Variants in POM121 observed in about 807,000 individuals in gnomAD.
POM121 encodes nuclear envelope pore membrane protein POM 121.
In POM121, 32 loss-of-function variants were observed where a neutral mutation model predicts 81.3. The observed-to-expected ratio is 0.39, with a 90% confidence interval of 0.30 to 0.53. The LOEUF is 0.53. Ranked by LOEUF, POM121 falls within the 20% of genes least tolerant of loss-of-function variation. The pLI is 0.66. For missense variants in POM121, 1,138 were observed against 1,614.6 expected (o/e 0.70, Z 5.06); for synonymous variants, 514 against 694.2 (o/e 0.74, Z 4.08).
intron 3 of POM121, among the ~76,000 whole-genome samples, chr7:72,907,911 G>T (rs552128500): frequency 1.2e-3 from 187 of 152,148 alleles, no homozygotes; most frequent in Middle Eastern, 0.01. Flanking sequence ...TTCTTTTTTT[G>T]TGTGTGTGTT....
chr7:72,936,861 T>C (rs1382323301), intron 5 of POM121, among the ~76,000 whole-genome samples: 5 of 152,156 alleles, frequency 3.3e-5, no homozygotes, highest in African/African-American at 4.8e-5. Context: ...TTGCCCAGGC[T>C]GGTCCGAAAC....
chr7:72,929,930 C>G lies in POM121; in HGVS notation c.1104-10C>G, dbSNP rs1554498232. On this transcript the variant is annotated splice_polypyrimidine_tract_variant and intron_variant, in intron 4 of 12. Coordinates refer to ENST00000434423, the MANE Select transcript of POM121 (RefSeq NM_001387691.1). Reference sequence around the variant, plus strand: ...TCAATAAAGCATCTAACTGTCTTCTCTTTTATTAGGCCTGGGTCTCTGAAG... The same window carrying G: ...TCAATAAAGCATCTAACTGTCTTCTGTTTTATTAGGCCTGGGTCTCTGAAG... 1 of 1,578,224 alleles carries G rather than the reference C, an allele frequency of 6.3e-7. No homozygotes were observed. Among genetic ancestry groups the G allele is most frequent in the South Asian group, 1.1e-5 (1 of 88,010 alleles).
chr7:72,925,522 T>C lies in POM121; in HGVS notation c.401T>C (p.Leu134Pro), dbSNP rs1554497059. 1 of 1,533,216 alleles carries C rather than the reference T, an allele frequency of 6.5e-7. No homozygotes were observed. Among genetic ancestry groups the C allele is most frequent in the South Asian group, 1.2e-5 (1 of 83,970 alleles). 95.0% of individuals were successfully genotyped at this position (1,533,216 alleles called of 1,614,324 possible). The change falls in exon 1 of 13, where the codon CTG becomes CCG. Residue 134 changes from leucine (L) to proline (P), a missense_variant. Around this residue, in one of 7 missense-constraint regions of POM121, gnomAD observed 646 missense variants for 633.5 expected, o/e 1.02. Coordinates refer to ENST00000434423, the MANE Select transcript of POM121 (RefSeq NM_001387691.1). ...TLLEGPDPAELLLMGSYLGKP... is the reference protein window; with the variant it reads ...TLLEGPDPAEPLLMGSYLGKP... ...CTCGAAGGACCTGACCCTGCGGAACTGCTACTCATGGGCAGTTACCTGGGC... is the reference window on the plus strand; with the variant it reads ...CTCGAAGGACCTGACCCTGCGGAACCGCTACTCATGGGCAGTTACCTGGGC...
chr7:72,924,602 C>G (rs1422028569), upstream of POM121: 1 of 153,110 alleles, frequency 6.5e-6, no homozygotes, highest in Admixed American at 6.5e-5. Flanking sequence ...AACCACTAAT[C>G]TACCTTCTCA....
intron 3 of POM121, among the ~76,000 whole-genome samples, chr7:72,897,452 G>T (rs1480514136): frequency 6.6e-6 from 1 of 152,214 alleles, no homozygotes; most frequent in Non-Finnish European, 1.5e-5. Flanking sequence ...CCAAGAGGGA[G>T]CAGGGAGTCA....
intron 3 of POM121, among the ~76,000 whole-genome samples, chr7:72,892,434 A>G (rs1554491039): frequency 2.0e-5 from 3 of 151,860 alleles, no homozygotes; most frequent in African/African-American, 4.8e-5. Flanking sequence ...TCTTCTCTCC[A>G]TGGTTTGTGT....
chr7:72,921,899 TCA>T (rs1269736903), upstream of POM121, among the ~76,000 whole-genome samples: 1 of 152,226 alleles, frequency 6.6e-6, no homozygotes, highest in South Asian at 2.1e-4. Context: ...AAATAATGCT[TCA>T]GTGACTATCT....
chr7:72,909,717 T>C (rs1238936222), intron 3 of POM121, among the ~76,000 whole-genome samples: 13 of 152,166 alleles, frequency 8.5e-5, no homozygotes, highest in Non-Finnish European at 1.6e-4. Flanking sequence ...GGCCCAGTCA[T>C]AGCTCACTGC....
chr7:72,916,339 G>T (rs1354876369), intron 4 of POM121, among the ~76,000 whole-genome samples: 2 of 152,122 alleles, frequency 1.3e-5, no homozygotes, highest in African/African-American at 4.8e-5. Flanking sequence ...TCTTGAGTTA[G>T]TTTTTTATAA....
Position 72,942,863 on chromosome 7 carries a change from A to T in POM121, c.2870A>T (p.Lys957Met). ...TFNIPFGSSAKSPLPSYPGAN... is the reference protein window; with the variant it reads ...TFNIPFGSSAMSPLPSYPGAN... ...AACATTCCCTTTGGCTCAAGCGCCA[A>T]GTCCCCGCTCCCATCATATCCGGGA... The change falls in exon 11 of 13, where the codon AAG becomes ATG. Residue 957 changes from lysine to methionine, a missense_variant. Coordinates refer to ENST00000434423, the MANE Select transcript of POM121 (RefSeq NM_001387691.1). The T allele has an allele frequency of 6.3e-7, 1 of 1,586,724 alleles. No homozygotes were observed. Among genetic ancestry groups the T allele is most frequent in the Non-Finnish European group, 8.6e-7 (1 of 1,168,032 alleles).
At chr7:72,927,578 T>TGG (rs1554497801) in intron 3 of POM121, among the ~76,000 whole-genome samples, 1 of 151,868 alleles carries the variant, frequency 6.6e-6, no homozygotes, top group African/African-American at 2.4e-5. Flanking sequence ...GATGTGGTGG[T>TGG]GGGCGCCTGT....
intron 1 of POM121, among the ~76,000 whole-genome samples, chr7:72,881,674 G>A (rs1384851844): frequency 4.0e-5 from 6 of 151,720 alleles, no homozygotes; most frequent in African/African-American, 1.5e-4. Flanking sequence ...CTGTTGCCGA[G>A]GCTGCAGTGC....
At chr7:72,935,946 A>G (rs543208712) in intron 5 of POM121, among the ~76,000 whole-genome samples, 88 of 152,096 alleles carry the variant, frequency 5.8e-4, no homozygotes, top group African/African-American at 2.0e-3. Context: ...ACTCAGGTCT[A>G]TGATAATGAG....
intron 5 of POM121, among the ~76,000 whole-genome samples, chr7:72,938,376 G>T (rs1395032806): frequency 6.6e-6 from 1 of 151,906 alleles, no homozygotes; most frequent in African/African-American, 2.4e-5. Flanking sequence ...TTTTTGTAGA[G>T]ACAGGGGTCT....
chr7:72,936,848 A>G (rs1240000308), intron 5 of POM121, among the ~76,000 whole-genome samples: 1 of 151,994 alleles, frequency 6.6e-6, no homozygotes, highest in Non-Finnish European at 1.5e-5. Context: ...AGGTCTTGCT[A>G]TGTTGCCCAG....
chr7:72,923,873 T>G (rs1315174620), upstream of POM121, among the ~76,000 whole-genome samples: 2 of 151,902 alleles, frequency 1.3e-5, no homozygotes, highest in Non-Finnish European at 2.9e-5. Flanking sequence ...AGTGCTGGAA[T>G]TCAGGCACGA....
chr7:72,915,618 A>T (rs1488810049), intron 4 of POM121, among the ~76,000 whole-genome samples: 1 of 152,096 alleles, frequency 6.6e-6, no homozygotes, highest in Non-Finnish European at 1.5e-5. Flanking sequence ...CAGGTGATCC[A>T]CTTGCTTTGG....
In POM121 at chr7:72,946,682, G is replaced by C; in HGVS notation, c.*448G>C. 3.1e-6 allele frequency: 3 copies of C among 975,894 alleles called. No homozygotes were observed. Among genetic ancestry groups the C allele is most frequent in the Non-Finnish European group, 3.6e-6 (3 of 823,172 alleles). 60.5% of individuals were successfully genotyped at this position (975,894 alleles called of 1,614,324 possible). On this transcript the variant is annotated 3_prime_UTR_variant, in exon 13 of 13. Transcript: ENST00000434423. ...CTATCCGTAAAGCTTTATCTTGCTT[G>C]GCTTAGCTGTGAGAAGTGGTTCTCT...
chr7:72,926,689 A>G, intron 2 of POM121, 113 bp from the exon 3 acceptor site: 1 of 1,508,032 alleles, frequency 6.6e-7, no homozygotes, highest in Middle Eastern at 1.8e-4. Context: ...CTGTGAGTGT[A>G]TAAATTATAC....
Sources: allele counts gnomAD v4.1 joint callset (sites outside exome capture counted in the v4.1 genomes callset), GRCh38; gene constraint gnomAD v4.1.1; regional missense constraint gnomAD v4.1.1; transcripts MANE v1.5; gene names NCBI Gene and HGNC (gene_info 2026-07-23, HGNC 2026-07-21).